Variants in FNBP4 observed in about 807,000 individuals in gnomAD.
The protein encoded by FNBP4 is formin-binding protein 4.
Under a neutral mutation model 119.3 loss-of-function variants are expected in FNBP4, and 34 were observed. The observed-to-expected ratio is 0.28, with a 90% CI of 0.22 to 0.38. The LOEUF (loss-of-function observed/expected upper bound fraction) is 0.38. FNBP4 is among the 10% of genes least tolerant of loss of function. FNBP4 has a pLI of 1.00. For missense variants in FNBP4, 1,112 were observed against 1,228.9 expected, an observed-to-expected ratio of 0.90 and a Z score of 1.42; for synonymous variants, 462 against 430.6, an observed-to-expected ratio of 1.07 and a Z score of -0.90.
At chr11:47,730,917 C>T (rs2097566618) in intron 12 of FNBP4, among the ~76,000 whole-genome samples, 1 of 152,164 alleles carries the variant, frequency 6.6e-6, no homozygotes, top group Non-Finnish European at 1.5e-5. Flanking sequence ...TTCTTCATAT[C>T]ATTTTGATTT....
rs375661209 is a variant in FNBP4 at position 47,756,066 on chromosome 11, G to C, written c.314-1402C>G. 2.0e-3 allele frequency among the ~76,000 whole-genome samples: 300 copies of C among 152,228 alleles called. 1 individual carries two copies. The highest frequency in any genetic ancestry group is 5.3e-3 in the Admixed American group (81 of 15,272). ...ATTATTCCTCAAATAGGAAGTGACA[G>C]AAATTAAAAACATGAAGTGACAGGA... On this transcript the variant is annotated intron_variant, in intron 2 of 16. Transcript: ENST00000263773.
intron 16 of FNBP4, among the ~76,000 whole-genome samples, chr11:47,718,790 A>G (rs1462187322): frequency 6.6e-6 from 1 of 152,136 alleles, no homozygotes; most frequent in Non-Finnish European, 1.5e-5. Flanking sequence ...AAAAAATTGT[A>G]CTTGCTGTGT....
chr11:47,753,452 A>C (rs2097608577), intron 3 of FNBP4, among the ~76,000 whole-genome samples: 1 of 152,112 alleles, frequency 6.6e-6, no homozygotes, highest in African/African-American at 2.4e-5. Flanking sequence ...CTCTACTAAA[A>C]ATACAAAAAT....
intron 2 of FNBP4, among the ~76,000 whole-genome samples, chr11:47,756,373 G>A (rs961395925): frequency 2.0e-5 from 3 of 152,132 alleles, no homozygotes; most frequent in African/African-American, 7.2e-5. Flanking sequence ...TAAATGAACA[G>A]ATTTATCGAA....
rs201817058 is a variant in FNBP4 at position 47,719,910 on chromosome 11, G to A, written c.2963+19C>T. On this transcript the variant is annotated intron_variant, in intron 16 of 16. Coordinates refer to ENST00000263773, the MANE Select transcript of FNBP4 (RefSeq NM_015308.5). Reference sequence around the variant, plus strand: ...CCTACTCCAAAACCCCATCTCATCTGTGTTTCCTTTTCTTTTACCTAACCA... The same window carrying A: ...CCTACTCCAAAACCCCATCTCATCTATGTTTCCTTTTCTTTTACCTAACCA... 2.5e-6 allele frequency: 4 copies of A among 1,613,074 alleles called. No individual in the cohort carries two copies. The highest frequency in any genetic ancestry group is 1.7e-5 in the Admixed American group (1 of 59,890).
intron 2 of FNBP4, among the ~76,000 whole-genome samples, chr11:47,757,325 C>T (rs952021736): frequency 6.6e-6 from 1 of 152,190 alleles, no homozygotes; most frequent in African/African-American, 2.4e-5. Context: ...CGCCATTCTC[C>T]TGCCTCAGCC....
intron 2 of FNBP4, 74 bp downstream of exon 2, chr11:47,765,196 T>C: frequency 1.1e-6 from 1 of 921,624 alleles, no homozygotes; most frequent in Non-Finnish European, 1.7e-6. Flanking sequence ...AGCAAAACAT[T>C]CTATGTACAA....
chr11:47,724,262 C>A (rs373208800), intron 13 of FNBP4, 90 bp from the exon 14 acceptor site: 1 of 1,550,464 alleles, frequency 6.4e-7, no homozygotes, highest in South Asian at 1.2e-5. Flanking sequence ...GGCTCTCATT[C>A]TGTTGCACAA....
intron 3 of FNBP4, among the ~76,000 whole-genome samples, 170 bp downstream of exon 3, chr11:47,754,358 A>G (rs946718843): frequency 5.9e-5 from 9 of 152,156 alleles, no homozygotes; most frequent in Admixed American, 1.3e-4. Flanking sequence ...TTAAAGTTAA[A>G]CAAAACAAAA....
rs1268379705 is a variant in FNBP4 at position 47,723,299 on chromosome 11, T to A, written c.2482A>T (p.Ile828Phe). The change falls in exon 15 of 17, where the codon ATT becomes TTT. Residue 828 changes from isoleucine (I) to phenylalanine (F), a missense_variant. This residue lies in a region of FNBP4 where 826 missense variants were observed against 988.8 expected (regional missense o/e 0.84). Coordinates refer to ENST00000263773, the MANE Select transcript of FNBP4 (RefSeq NM_015308.5). Reference protein sequence around the residue: ...AIATGHQAAGIGNQATGIGHQ... With the variant: ...AIATGHQAAGFGNQATGIGHQ... ...CCAATTCCTGTTGCCTGGTTTCCAA[T>A]CCCTGCTGCCTGGTGACCTAACACA... The A allele has an allele frequency of 2.5e-6, 4 of 1,610,212 alleles. No homozygotes were observed. The African/African-American group carries it at 5.3e-5, about 22-fold the overall frequency.
chr11:47,724,875 T>A (rs1362273552), intron 12 of FNBP4, 97 bp from the exon 13 acceptor site: 3 of 1,452,198 alleles, frequency 2.1e-6, no homozygotes, highest in Non-Finnish European at 2.7e-6. Flanking sequence ...TAATCATTTA[T>A]AGGAACCTAG....
At position 47,767,092 on chromosome 11, in the gene FNBP4, G is replaced by A. The variant is rs1309600140; in HGVS notation, c.197C>T (p.Ala66Val). The part of the protein sequence containing the change: ...TTTTAVTAAA[A>V]SDDSPSEDEQ... ...GCCTTCTGAAGGCGAGTCGTCCGAG[G>A]CCGCGGCGGCAGTCACCGCGGTGGT... The change falls in exon 1 of 17, where the codon GCC becomes GTC. Residue 66 changes from alanine to valine, a missense_variant. Coordinates refer to ENST00000263773, the MANE Select transcript of FNBP4 (RefSeq NM_015308.5). The A allele has an allele frequency of 1.3e-6, 2 of 1,530,350 alleles. No homozygotes were observed. Among genetic ancestry groups the A allele is most frequent in the Non-Finnish European group, 1.7e-6 (2 of 1,144,652 alleles). The allele number at this position is 1,530,350 out of a possible 1,614,324, so 94.8% of individuals were successfully genotyped here.
chr11:47,728,804 C>T (rs935695112), intron 12 of FNBP4, among the ~76,000 whole-genome samples: 9 of 146,248 alleles, frequency 6.2e-5, no homozygotes, highest in Non-Finnish European at 1.2e-4. Context: ...GCTGGAATTA[C>T]AGGCATGAGT....
chr11:47,736,118 G>A (rs994407307), intron 9 of FNBP4, among the ~76,000 whole-genome samples: 1 of 151,544 alleles, frequency 6.6e-6, no homozygotes, highest in Non-Finnish European at 1.5e-5. Flanking sequence ...GTGGGTGCCT[G>A]TAATCTCAGC....
At chr11:47,756,368 G>C (rs7122217) in intron 2 of FNBP4, among the ~76,000 whole-genome samples, 88,297 of 152,038 alleles carry the variant, frequency 0.58, 25,931 homozygotes, top group Admixed American at 0.65. Flanking sequence ...GTTGGTAAAT[G>C]AACAGATTTA....
chr11:47,758,233 C>T (rs997885838), intron 2 of FNBP4, among the ~76,000 whole-genome samples: 4 of 152,142 alleles, frequency 2.6e-5, no homozygotes, highest in African/African-American at 9.6e-5. Context: ...TAGAGATGCG[C>T]ACCACTGCGC....
intron 8 of FNBP4, among the ~76,000 whole-genome samples, chr11:47,740,006 G>C (rs2135158176): frequency 6.6e-6 from 1 of 151,988 alleles, no homozygotes; most frequent in Admixed American, 6.6e-5. Context: ...CTCCACGTTG[G>C]TCAGGCTGGT....
At chr11:47,748,391 GTTATTA>G (rs969510173) in intron 6 of FNBP4, among the ~76,000 whole-genome samples, 1 of 151,730 alleles carries the variant, frequency 6.6e-6, no homozygotes, top group Non-Finnish European at 1.5e-5. Context: ...GTAAATTTAA[GTTATTA>G]TTATTATTTC....
At chr11:47,733,970 C>T (rs907860967) in intron 10 of FNBP4, 55 bp downstream of exon 10, 15 of 814,444 alleles carry the variant, frequency 1.8e-5, no homozygotes, top group Admixed American at 9.1e-5. Flanking sequence ...ACACATACAG[C>T]ATTTCATTCA....
Sources: gnomAD v4.1 joint callset for allele counts (sites outside exome capture counted in the v4.1 genomes callset) on GRCh38, gnomAD v4.1.1 for gene constraint, gnomAD v4.1.1 regional missense constraint, MANE v1.5 for transcripts, NCBI Gene and HGNC (gene_info 2026-07-23, HGNC 2026-07-21) for gene names.